TJP1: variants seen among roughly 807,000 people sequenced by gnomAD.
TJP1 encodes tight junction protein 1.
Under a neutral mutation model 194.2 loss-of-function variants are expected in TJP1, and 43 were observed. The ratio of observed to expected loss-of-function variants is 0.22; its 90% confidence interval spans 0.17 to 0.29. TJP1 has a LOEUF of 0.29. TJP1 is among the 10% of genes least tolerant of loss of function. The pLI, the probability that TJP1 is intolerant of heterozygous loss-of-function variation, is 1.00. For missense variants in TJP1, 1,971 were observed against 2,185.7 expected, an observed-to-expected ratio of 0.90 and a Z score of 1.96; for synonymous variants, 801 against 779.0, an observed-to-expected ratio of 1.03 and a Z score of -0.47.
intron 2 of TJP1, among the ~76,000 whole-genome samples, chr15:29,837,830 T>C (rs151198822): frequency 7.2e-4 from 110 of 152,304 alleles, no homozygotes; most frequent in Non-Finnish European, 1.4e-3. Flanking sequence ...GTAAGACATA[T>C]CTCTTTTGAC....
At chr15:29,968,742 A>C in exon 1 of TJP1, 1 of 1,231,902 alleles carries the variant, frequency 8.1e-7, no homozygotes, top group Non-Finnish European at 1.0e-6. Flanking sequence ...CAGCACCGTC[A>C]GGTATTTCTG....
chr15:29,963,900 C>T (rs2056247684), intron 1 of TJP1, among the ~76,000 whole-genome samples: 1 of 152,176 alleles, frequency 6.6e-6, no homozygotes, highest in Non-Finnish European at 1.5e-5. Context: ...AATCTGCCCG[C>T]CTCAGCCTTC....
Position 29,822,242 on chromosome 15 carries a change from C to G in TJP1, c.-214G>C. 1 of 1,170,774 alleles carries G rather than the reference C, an allele frequency of 8.5e-7. No homozygotes were observed. Among genetic ancestry groups the G allele is most frequent in the East Asian group, 3.6e-5 (1 of 27,400 alleles). 72.5% of individuals were successfully genotyped at this position (1,170,774 alleles called of 1,614,324 possible). On this transcript the variant is annotated 5_prime_UTR_variant, in exon 1 of 28. Coordinates refer to ENST00000614355, the MANE Select transcript of TJP1 (RefSeq NM_001330239.4). ...CCCCGCCCGGGTCTTCTCCACGGGGCGCGCCCGACCGGCACCTCCCTCCGA... is the reference window on the plus strand; with the variant it reads ...CCCCGCCCGGGTCTTCTCCACGGGGGGCGCCCGACCGGCACCTCCCTCCGA...
At chr15:29,779,766 G>C (rs970194725) in intron 2 of TJP1, among the ~76,000 whole-genome samples, 1 of 152,134 alleles carries the variant, frequency 6.6e-6, no homozygotes, top group Non-Finnish European at 1.5e-5. Context: ...AGGCATGAAT[G>C]AATCTTCCTG....
intron 2 of TJP1, among the ~76,000 whole-genome samples, chr15:29,945,297 G>T (rs1238470754): frequency 6.6e-6 from 1 of 152,218 alleles, no homozygotes; most frequent in Non-Finnish European, 1.5e-5. Context: ...TTAGCTAGGA[G>T]AATCTGGAAA....
At position 29,949,144 on chromosome 15, in the gene TJP1, C is replaced by A. The variant is rs1338764538; in HGVS notation, c.306+7088G>T. Among the ~76,000 whole-genome samples the A allele has an allele frequency of 3.1e-4, 47 of 149,480 alleles. No homozygotes were observed. The South Asian group carries it at 5.1e-3, about 16-fold the overall frequency. On this transcript the variant is annotated intron_variant, in intron 2 of 28. Transcript: ENST00000356107. ...CAACCACCACCTCCACCTCCACCTT[C>A]ACCACCTCCACTACTACCTCCACCA...
rs1327279428 is a variant in TJP1, at chr15:29,772,168, T to A, written c.210-2A>T. 1 of 1,578,796 alleles carries A rather than the reference T, an allele frequency of 6.3e-7. No individual in the cohort carries two copies. Among genetic ancestry groups the A allele is most frequent in the African/African-American group, 1.4e-5 (1 of 73,618 alleles). On this transcript the variant is annotated splice_acceptor_variant, in intron 3 of 27. Transcript: ENST00000614355. LOFTEE classifies it high-confidence loss of function. ...ACCATTGCAACTCGGTCATTTTCCC[T>A]AAGGGGAAAAGGGCACAAAATAATA...
intron 15 of TJP1, among the ~76,000 whole-genome samples, chr15:29,731,851 G>A (rs1427365149): frequency 3.3e-5 from 5 of 151,794 alleles, no homozygotes; most frequent in East Asian, 1.9e-4. Context: ...TAAGCAAAAC[G>A]TATTTGGCAT....
chr15:29,725,163 G>A (rs2151180441), intron 18 of TJP1, among the ~76,000 whole-genome samples: 1 of 152,276 alleles, frequency 6.6e-6, no homozygotes, highest in Non-Finnish European at 1.5e-5. Flanking sequence ...GGTGTGGTTT[G>A]TTTCCACCTT....
At chr15:29,795,060 G>A (rs1300875310) in intron 2 of TJP1, among the ~76,000 whole-genome samples, 2 of 152,040 alleles carry the variant, frequency 1.3e-5, no homozygotes, top group African/African-American at 2.4e-5. Flanking sequence ...TTAAAAATAA[G>A]GGAATATTAT....
intron 18 of TJP1, 43 bp from the exon 19 acceptor site, chr15:29,720,751 C>CT (rs1221017430): frequency 6.9e-7 from 1 of 1,457,898 alleles, no homozygotes; most frequent in African/African-American, 1.4e-5. Flanking sequence ...TTCAGTAGTT[C>CT]TTTAAGAGAT....
chr15:29,952,108 TC>T, intron 2 of TJP1, among the ~76,000 whole-genome samples: 1 of 152,342 alleles, frequency 6.6e-6, no homozygotes. Context: ...AGGTCACTTT[TC>T]TTTTTCATAT....
At chr15:29,833,882 T>TATATATATA (rs67819417) in intron 2 of TJP1, among the ~76,000 whole-genome samples, 5 of 7,980 alleles carry the variant, frequency 6.3e-4, no homozygotes, top group Non-Finnish European at 1.2e-3. Context: ...TATATATATA[T>TATATATATA]TTTTTTTTTT....
At chr15:29,824,149 A>G (rs1352237833), upstream of TJP1, 1 of 140,594 alleles carries the variant, frequency 7.1e-6, no homozygotes, top group Non-Finnish European at 1.5e-5. Context: ...CACGTTTATA[A>G]TCCCAGCACT....
intron 2 of TJP1, among the ~76,000 whole-genome samples, chr15:29,876,748 G>C (rs1229288692): frequency 2.6e-5 from 4 of 152,152 alleles, no homozygotes; most frequent in Non-Finnish European, 4.4e-5. Flanking sequence ...ATTCAAATGA[G>C]TAAAAACCAC....
intron 4 of TJP1, among the ~76,000 whole-genome samples, chr15:29,767,304 T>C (rs1278604750): frequency 6.6e-6 from 1 of 152,228 alleles, no homozygotes; most frequent in Admixed American, 6.5e-5. Flanking sequence ...CTCACAATAG[T>C]ATACACTTGA....
chr15:29,941,876 G>C (rs1349824326), intron 2 of TJP1, among the ~76,000 whole-genome samples: 1 of 152,128 alleles, frequency 6.6e-6, no homozygotes, highest in Non-Finnish European at 1.5e-5. Flanking sequence ...TGAACCTAAA[G>C]TTAGGCTTAA....
chr15:29,761,916 C>T (rs1273417112), intron 6 of TJP1, 147 bp from the exon 7 acceptor site: 1 of 773,056 alleles, frequency 1.3e-6, no homozygotes, highest in Non-Finnish European at 1.9e-6. Context: ...TCAAAGTATT[C>T]CACCTTCTTG....
intron 23 of TJP1, among the ~76,000 whole-genome samples, chr15:29,711,354 A>G (rs1470325534): frequency 6.6e-6 from 1 of 152,084 alleles, no homozygotes; most frequent in Non-Finnish European, 1.5e-5. Flanking sequence ...CATGGCACAA[A>G]TTTTCCTGAG....
Sources: gnomAD v4.1 joint callset for allele counts (sites outside exome capture counted in the v4.1 genomes callset) on GRCh38, gnomAD v4.1.1 for gene constraint, MANE v1.5 for transcripts, NCBI Gene and HGNC (gene_info 2026-07-23, HGNC 2026-07-21) for gene names.